Variants in KDM4C observed in about 807,000 individuals in gnomAD.
KDM4C encodes lysine demethylase 4C, also known as lysine-specific demethylase 4C.
KDM4C carries 81 observed loss-of-function variants against 129.3 expected under a neutral mutation model. That is an observed-to-expected ratio of 0.63 (90% confidence interval 0.52 to 0.75). The LOEUF (loss-of-function observed/expected upper bound fraction) is 0.75, where lower values mean the gene tolerates loss of function less well. Among genes scored for constraint, KDM4C ranks in the 30% least tolerant of loss-of-function variants. The pLI is 0.00. For synonymous variants in KDM4C, 573 were observed against 456.1 expected, an observed-to-expected ratio of 1.26 and a Z score of -3.26; for missense variants, 1,457 against 1,304.0, an observed-to-expected ratio of 1.12 and a Z score of -1.81.
At chr9:7,007,198 C>T (rs541236486) in intron 12 of KDM4C, among the ~76,000 whole-genome samples, 51 of 152,288 alleles carry the variant, frequency 3.3e-4, no homozygotes, top group African/African-American at 1.2e-3. Context: ...GTATACTGGG[C>T]TTCTGTAAAT....
chr9:6,942,271 C>G (rs1461177944), intron 8 of KDM4C, among the ~76,000 whole-genome samples: 1 of 135,262 alleles, frequency 7.4e-6, no homozygotes, highest in Non-Finnish European at 1.6e-5. Context: ...TTCTCATGTT[C>G]TAGCCCTCAA....
chr9:7,133,811 A>C (rs141096127), intron 19 of KDM4C, among the ~76,000 whole-genome samples: 3 of 152,242 alleles, frequency 2.0e-5, no homozygotes, highest in African/African-American at 7.2e-5. Context: ...GCAAAAGAAA[A>C]TATCCAAGTG....
At chr9:6,761,873 A>G (rs1453902102) in intron 1 of KDM4C, among the ~76,000 whole-genome samples, 2 of 151,756 alleles carry the variant, frequency 1.3e-5, no homozygotes, top group Non-Finnish European at 2.9e-5. Context: ...GTGCAGTGGC[A>G]TGATCTCGGC....
At chr9:6,825,449 G>T (rs1833733377) in intron 4 of KDM4C, among the ~76,000 whole-genome samples, 1 of 152,170 alleles carries the variant, frequency 6.6e-6, no homozygotes, top group Non-Finnish European at 1.5e-5. Context: ...TTAGGGCAAG[G>T]TAACTGTGTT....
chr9:7,081,570 G>A (rs1423397475), intron 17 of KDM4C, among the ~76,000 whole-genome samples: 1 of 152,180 alleles, frequency 6.6e-6, no homozygotes, highest in African/African-American at 2.4e-5. Flanking sequence ...CTCCAGTAGT[G>A]TGTTCCTGGC....
At chr9:6,733,059 C>T (rs1459878847) in intron 1 of KDM4C, among the ~76,000 whole-genome samples, 1 of 152,148 alleles carries the variant, frequency 6.6e-6, no homozygotes, top group East Asian at 1.9e-4. Context: ...CAAGGTCAAG[C>T]TCCCAAGGAC....
intron 8 of KDM4C, among the ~76,000 whole-genome samples, chr9:6,960,234 G>C (rs1041144728): frequency 6.6e-6 from 1 of 151,656 alleles, no homozygotes; most frequent in Non-Finnish European, 1.5e-5. Flanking sequence ...CAAAGACTGT[G>C]AAGCAGTTGA....
intron 5 of KDM4C, among the ~76,000 whole-genome samples, chr9:6,871,502 CTCAGTTT>C (rs1563734211): frequency 1.4e-4 from 22 of 152,252 alleles, no homozygotes; most frequent in African/African-American, 5.3e-4. Flanking sequence ...TCATTAGTGA[CTCAGTTT>C]TTTAGTGTTA....
intron 19 of KDM4C, among the ~76,000 whole-genome samples, chr9:7,137,449 C>G (rs539530177): frequency 1.2e-4 from 19 of 152,252 alleles, no homozygotes; most frequent in African/African-American, 4.6e-4. Flanking sequence ...CATTATTGAC[C>G]CTTCGATTAC....
intron 8 of KDM4C, among the ~76,000 whole-genome samples, chr9:6,938,765 G>C (rs1825279998): frequency 6.6e-6 from 1 of 152,154 alleles, no homozygotes; most frequent in African/African-American, 2.4e-5. Context: ...CATGGTTTTA[G>C]GAATATTTGG....
chr9:6,846,323 A>T (rs543994632), intron 4 of KDM4C, among the ~76,000 whole-genome samples: 1 of 152,220 alleles, frequency 6.6e-6, no homozygotes. Context: ...TACCTATTTT[A>T]TAGGATTGTT....
chr9:6,973,446 T>C (rs1245139744), intron 8 of KDM4C, among the ~76,000 whole-genome samples: 1 of 152,208 alleles, frequency 6.6e-6, no homozygotes, highest in Non-Finnish European at 1.5e-5. Context: ...AGAAACAATG[T>C]CAAAGAGTTT....
chr9:6,911,562 A>G (rs557389003), intron 8 of KDM4C, among the ~76,000 whole-genome samples: 1 of 152,244 alleles, frequency 6.6e-6, no homozygotes, highest in Non-Finnish European at 1.5e-5. Flanking sequence ...CCTTCATGAT[A>G]CATTTCACTT....
chr9:7,066,062 A>C lies in KDM4C; in HGVS notation c.2424+16862A>C, dbSNP rs112831112. Among the ~76,000 whole-genome samples, 1,018 of 152,254 alleles carry C rather than the reference A, an allele frequency of 6.7e-3. 11 individuals carry two copies. Among genetic ancestry groups the C allele is most frequent in the African/African-American group, 0.023 (948 of 41,542 alleles). ...TTTCTGTCACAAAGCATATATTTGA[A>C]ATATAATAAAATCATCTTCATTACA... On this transcript the variant is annotated intron_variant, in intron 17 of 21. Coordinates refer to ENST00000381309, the MANE Select transcript of KDM4C (RefSeq NM_015061.6).
intron 5 of KDM4C, among the ~76,000 whole-genome samples, chr9:6,852,808 T>TA (rs1165252146): frequency 6.6e-6 from 1 of 152,172 alleles, no homozygotes; most frequent in Non-Finnish European, 1.5e-5. Flanking sequence ...CCTCCTTACT[T>TA]ACGGGCCCAT....
intron 8 of KDM4C, among the ~76,000 whole-genome samples, chr9:6,954,248 C>G (rs576313119): frequency 8.5e-5 from 13 of 152,280 alleles, no homozygotes; most frequent in African/African-American, 3.1e-4. Context: ...TGACTTTCTC[C>G]TCTTTTCTCC....
At chr9:7,130,537 A>C (rs1163022284) in intron 19 of KDM4C, among the ~76,000 whole-genome samples, 1 of 152,214 alleles carries the variant, frequency 6.6e-6, no homozygotes, top group Admixed American at 6.5e-5. Context: ...TCTGGAGCGC[A>C]TGCCATTTAA....
At chr9:6,999,917 C>G (rs1820424600) in intron 12 of KDM4C, among the ~76,000 whole-genome samples, 1 of 152,110 alleles carries the variant, frequency 6.6e-6, no homozygotes, top group Non-Finnish European at 1.5e-5. Context: ...TCCATCAATT[C>G]TTTTTAGCTT....
chr9:6,878,876 C>G (rs2130758169), intron 5 of KDM4C, among the ~76,000 whole-genome samples: 1 of 152,238 alleles, frequency 6.6e-6, no homozygotes, highest in East Asian at 1.9e-4. Flanking sequence ...GAATTAAGAA[C>G]TGGTAAGAAG....
Sources: allele counts gnomAD v4.1 joint callset (sites outside exome capture counted in the v4.1 genomes callset), GRCh38; gene constraint gnomAD v4.1.1; transcripts MANE v1.5; gene names NCBI Gene and HGNC (gene_info 2026-07-23, HGNC 2026-07-21).